The following SPOCK3 variants were observed in gnomAD, a reference collection of about 807,000 sequenced individuals.
SPOCK3 encodes the protein SPARC (osteonectin), cwcv and kazal like domains proteoglycan 3, also known as testican-3.
In SPOCK3, 30 loss-of-function variants were observed where a neutral mutation model predicts 56.6. That is an observed-to-expected ratio of 0.53 (90% CI 0.40 to 0.72). The LOEUF is 0.72. Among genes scored for constraint, SPOCK3 ranks in the 30% least tolerant of loss-of-function variants. The pLI is 0.00. For synonymous variants in SPOCK3, 196 were observed against 183.3 expected (o/e 1.07, Z -0.56); for missense variants, 527 against 530.0 (o/e 0.99, Z 0.06).
chr4:167,120,879 A>C (rs1761807296), intron 2 of SPOCK3, among the ~76,000 whole-genome samples: 1 of 152,000 alleles, frequency 6.6e-6, no homozygotes, highest in South Asian at 2.1e-4. Context: ...CAATGTTACC[A>C]TTTAAATCAA....
At chr4:166,847,216 C>T (rs547694208) in intron 6 of SPOCK3, among the ~76,000 whole-genome samples, 1 of 152,122 alleles carries the variant, frequency 6.6e-6, no homozygotes, top group East Asian at 1.9e-4. Flanking sequence ...AAGCTAAGTG[C>T]TTTTCATTTA....
At chr4:166,945,863 C>A (rs1468182116) in intron 4 of SPOCK3, among the ~76,000 whole-genome samples, 1 of 152,128 alleles carries the variant, frequency 6.6e-6, no homozygotes, top group African/African-American at 2.4e-5. Context: ...TCGTTCCGAG[C>A]CTTCACACCT....
intron 3 of SPOCK3, among the ~76,000 whole-genome samples, chr4:167,054,144 T>C (rs1754528288): frequency 6.6e-6 from 1 of 152,064 alleles, no homozygotes; most frequent in Non-Finnish European, 1.5e-5. Flanking sequence ...AAATAACACT[T>C]AAATAAAAGG....
At chr4:166,936,833 C>T (rs907278285) in intron 4 of SPOCK3, among the ~76,000 whole-genome samples, 3 of 151,900 alleles carry the variant, frequency 2.0e-5, no homozygotes, top group East Asian at 1.9e-4. Flanking sequence ...TTCTAACATA[C>T]CAAATTTAAG....
At chr4:167,030,408 T>G (rs957170527) in intron 3 of SPOCK3, among the ~76,000 whole-genome samples, 1 of 152,086 alleles carries the variant, frequency 6.6e-6, no homozygotes, top group Non-Finnish European at 1.5e-5. Flanking sequence ...AGCAATTGAT[T>G]TAGTTTCTTG....
intron 5 of SPOCK3, among the ~76,000 whole-genome samples, chr4:166,897,987 T>C (rs1735572191): frequency 6.6e-6 from 1 of 152,028 alleles, no homozygotes; most frequent in Non-Finnish European, 1.5e-5. Context: ...GGCCAGGAGT[T>C]TGAGACCAGT....
rs189572644 is a variant in SPOCK3, at chr4:167,061,988, C to A, written c.235+504G>T. ...TTTAAAGGTAAGTTAATCAGAATTGCAAACTGTTTGAAAGGAGGTGGGGAA... is the reference window on the plus strand; with the variant it reads ...TTTAAAGGTAAGTTAATCAGAATTGAAAACTGTTTGAAAGGAGGTGGGGAA... On this transcript the variant is annotated intron_variant, in intron 3 of 10. Transcript: ENST00000357545. Among the ~76,000 whole-genome samples the A allele has an allele frequency of 3.5e-3, 533 of 151,860 alleles. 2 individuals are homozygous for A. Among genetic ancestry groups the A allele is most frequent in the Non-Finnish European group, 5.4e-3 (363 of 67,814 alleles).
At chr4:166,889,978 G>A (rs1203968008) in intron 5 of SPOCK3, among the ~76,000 whole-genome samples, 3 of 151,884 alleles carry the variant, frequency 2.0e-5, no homozygotes, top group Non-Finnish European at 4.4e-5. Flanking sequence ...GTGATGATGT[G>A]CTTAGTGTCT....
intron 6 of SPOCK3, among the ~76,000 whole-genome samples, chr4:166,865,297 T>G (rs2126924835): frequency 6.6e-6 from 1 of 152,270 alleles, no homozygotes; most frequent in East Asian, 1.9e-4. Flanking sequence ...TAATAAGAGC[T>G]ATTTATGACA....
chr4:167,151,726 C>T (rs62353580), intron 2 of SPOCK3, among the ~76,000 whole-genome samples: 1,813 of 152,180 alleles, frequency 0.012, 12 homozygotes, highest in Non-Finnish European at 0.018. Context: ...TGAGCCACCA[C>T]GCCCAGCCTC....
chr4:167,064,958 C>T (rs1755963411), intron 2 of SPOCK3, among the ~76,000 whole-genome samples: 1 of 138,016 alleles, frequency 7.2e-6, no homozygotes, highest in South Asian at 2.3e-4. Flanking sequence ...TTACTGCTCA[C>T]CAAATCCTTT....
chr4:166,823,330 C>A (rs1468492215), intron 6 of SPOCK3, among the ~76,000 whole-genome samples: 1 of 151,930 alleles, frequency 6.6e-6, no homozygotes, highest in East Asian at 1.9e-4. Flanking sequence ...AGCAGAGACA[C>A]TAGATAAAAA....
At chr4:167,192,257 T>C (rs891821675) in intron 2 of SPOCK3, among the ~76,000 whole-genome samples, 1 of 146,072 alleles carries the variant, frequency 6.8e-6, no homozygotes, top group Non-Finnish European at 1.5e-5. Context: ...TGTAATTTCC[T>C]CTTCTGGCTT....
At chr4:167,227,239 C>T (rs988930456) in intron 2 of SPOCK3, among the ~76,000 whole-genome samples, 27 of 152,118 alleles carry the variant, frequency 1.8e-4, no homozygotes, top group African/African-American at 5.8e-4. Context: ...AGCTTAGACA[C>T]GGCATTTCTA....
intron 2 of SPOCK3, among the ~76,000 whole-genome samples, chr4:167,128,852 C>G (rs17052980): frequency 6.6e-6 from 1 of 152,152 alleles, no homozygotes; most frequent in African/African-American, 2.4e-5. Context: ...CCATTCCCAA[C>G]AGTCTCCCTC....
At chr4:166,904,688 T>TG (rs1320429998) in intron 5 of SPOCK3, among the ~76,000 whole-genome samples, 1 of 151,928 alleles carries the variant, frequency 6.6e-6, no homozygotes, top group Non-Finnish European at 1.5e-5. Context: ...AGAGTAGAAT[T>TG]GGGGGTGTTA....
At chr4:166,738,507 C>T (rs10022831) in intron 9 of SPOCK3, among the ~76,000 whole-genome samples, 117,770 of 149,334 alleles carry the variant, frequency 0.79, 46,676 homozygotes, top group South Asian at 0.82. Flanking sequence ...TTAGGGTACA[C>T]GTGCACAATG....
chr4:167,097,112 T>C (rs1759224667), intron 2 of SPOCK3, among the ~76,000 whole-genome samples: 1 of 151,854 alleles, frequency 6.6e-6, no homozygotes. Context: ...GCATGTCATG[T>C]GTTTTTTAAT....
intron 3 of SPOCK3, among the ~76,000 whole-genome samples, chr4:167,054,083 C>A (rs1171527590): frequency 6.6e-6 from 1 of 152,110 alleles, no homozygotes; most frequent in Non-Finnish European, 1.5e-5. Flanking sequence ...CCTTCTAAAT[C>A]TTTCACCTTA....
Sources: allele counts gnomAD v4.1 joint callset (sites outside exome capture counted in the v4.1 genomes callset), GRCh38; gene constraint gnomAD v4.1.1; transcripts MANE v1.5; gene names NCBI Gene and HGNC (gene_info 2026-07-23, HGNC 2026-07-21).